Variants in OR2W3 observed in about 807,000 individuals in gnomAD.
The protein encoded by OR2W3 is olfactory receptor 2W3.
For synonymous variants in OR2W3, 196 were observed against 168.2 expected (o/e 1.17, Z -1.28); for missense variants, 448 against 397.0 (o/e 1.13, Z -1.09).
chr1:247,896,422 AC>A lies in OR2W3; in HGVS notation c.837del (p.Asn279LysfsTer19). ...GGCATGTTCCTCATGCTCTTCTACA[AC>A]ATTGTCACCCCCCTCCTCAATCCTC... ...DQGMFLMLFY[N>X]IVTPLLNPLI... On this transcript the variant is annotated frameshift_variant, in exon 1 of 1. Transcript: ENST00000360358. LOFTEE classifies it low-confidence loss of function (END_TRUNC). 1 of 1,613,858 alleles carries A rather than the reference AC, an allele frequency of 6.2e-7. No individual in the cohort carries two copies. The highest frequency in any genetic ancestry group is 8.5e-7 in the Non-Finnish European group (1 of 1,179,798).
Position 247,895,882 on chromosome 1 carries a change from T to A in OR2W3, c.296T>A (p.Ile99Asn). 6.2e-7 allele frequency: 1 copy of A among 1,614,136 alleles called. No homozygotes were observed. The highest frequency in any genetic ancestry group is 1.1e-5 in the South Asian group (1 of 91,076). ...DKTISYMGCA[I>N]QLFLFLGLGG... ...ACCATCAGCTACATGGGCTGTGCCA[T>A]CCAGCTCTTCCTGTTCCTGGGTCTG... is the stretch of plus-strand genomic sequence containing the variant. Residue 99 changes from isoleucine (I) to asparagine (N), a missense_variant, in exon 1 of 1, where the codon ATC (isoleucine) becomes AAC (asparagine). By Grantham distance (149) the Ile-to-Asn change is moderately radical. Coordinates refer to ENST00000360358, the MANE Select transcript of OR2W3 (RefSeq NM_001001957.2).
In OR2W3 at chr1:247,895,971, C is replaced by G; in HGVS notation, c.385C>G (p.Pro129Ala). 1 of 1,614,120 alleles carries G rather than the reference C, an allele frequency of 6.2e-7. No individual in the cohort carries two copies. The highest frequency in any genetic ancestry group is 8.5e-7 in the Non-Finnish European group (1 of 1,179,976). Reference protein sequence around the residue: ...AYDRCVAICKPLHYMVIMNPR... With the variant: ...AYDRCVAICKALHYMVIMNPR... ...TGACCGGTGTGTGGCTATCTGCAAG[C>G]CCCTGCACTACATGGTGATCATGAA... The change falls in exon 1 of 1, where the codon CCC becomes GCC. Residue 129 changes from proline to alanine, a missense_variant. Transcript: ENST00000360358.
rs138443505 is a variant in OR2W3 at position 247,895,967 on chromosome 1, C to T, written c.381C>T (p.Cys127=). ...CCTATGACCGGTGTGTGGCTATCTG[C>T]AAGCCCCTGCACTACATGGTGATCA... The part of the protein sequence containing the change: ...VMAYDRCVAI[C]KPLHYMVIMN... The change falls in exon 1 of 1, where the codon TGC becomes TGT. Residue 127 remains cysteine (C), a synonymous_variant. Transcript: ENST00000360358. The T allele has an allele frequency of 1.6e-4, 257 of 1,614,124 alleles. No individual in the cohort carries two copies. Among genetic ancestry groups the T allele is most frequent in the Non-Finnish European group, 2.0e-4 (231 of 1,179,998 alleles).
Position 247,896,041 on chromosome 1 carries a change from G to A in OR2W3, c.455G>A (p.Gly152Glu), listed in dbSNP as rs753788610. The A allele has an allele frequency of 1.2e-6, 2 of 1,613,766 alleles. No homozygotes were observed. Among genetic ancestry groups the A allele is most frequent in the South Asian group, 1.1e-5 (1 of 91,048 alleles). Residue 152 changes from glycine to glutamate, a missense_variant, in exon 1 of 1, where the codon GGG (glycine) becomes GAG (glutamate). By Grantham distance (98) the Gly-to-Glu change is moderately conservative (BLOSUM62 -2). Coordinates refer to ENST00000360358, the MANE Select transcript of OR2W3 (RefSeq NM_001001957.2). ...TTGGTGTCAGTGACCTGGGGCTGTG[G>A]GGTGGCCAACTCCTTGGCCATGTCT... ...RGLVSVTWGC[G>E]VANSLAMSPV...
chr1:247,895,839 C>A lies in OR2W3; in HGVS notation c.253C>A (p.Leu85Ile), dbSNP rs1659596130. 1 of 1,613,918 alleles carries A rather than the reference C, an allele frequency of 6.2e-7. No homozygotes were observed. The highest frequency in any genetic ancestry group is 8.5e-7 in the Non-Finnish European group (1 of 1,179,922). Reference protein sequence around the residue: ...TSSIPQLLYNLNGCDKTISYM... With the variant: ...TSSIPQLLYNINGCDKTISYM... ...CTCCATCCCCCAGCTGCTCTACAAC[C>A]TTAATGGATGTGACAAGACCATCAG... The change falls in exon 1 of 1, where the codon CTT becomes ATT. Residue 85 changes from leucine (L) to isoleucine (I), a missense_variant. Coordinates refer to ENST00000360358, the MANE Select transcript of OR2W3 (RefSeq NM_001001957.2).
At position 247,895,890 on chromosome 1, in the gene OR2W3, T is replaced by A. The variant is rs374087553; in HGVS notation, c.304T>A (p.Phe102Ile). Reference sequence around the variant, plus strand: ...CTACATGGGCTGTGCCATCCAGCTCTTCCTGTTCCTGGGTCTGGGTGGTGT... The same window carrying A: ...CTACATGGGCTGTGCCATCCAGCTCATCCTGTTCCTGGGTCTGGGTGGTGT... ...ISYMGCAIQL[F>I]LFLGLGGVEC... Residue 102 changes from phenylalanine (F) to isoleucine (I), a missense_variant, in exon 1 of 1, where the codon TTC becomes ATC. Physicochemically the swap from Phe to Ile is conservative, Grantham distance 21. Coordinates refer to ENST00000360358, the MANE Select transcript of OR2W3 (RefSeq NM_001001957.2). 12 of 1,614,046 alleles carry A rather than the reference T, an allele frequency of 7.4e-6. No individual in the cohort carries two copies. The highest frequency in any genetic ancestry group is 1.3e-5 in the African/African-American group (1 of 74,928).
Position 247,895,596 on chromosome 1 carries a change from A to G in OR2W3, c.10A>G (p.Thr4Ala). 6.2e-7 allele frequency: 1 copy of G among 1,605,362 alleles called. No homozygotes were observed. Among genetic ancestry groups the G allele is most frequent in the Non-Finnish European group, 8.5e-7 (1 of 1,173,182 alleles). The change falls in exon 1 of 1, where the codon ACC becomes GCC. Residue 4 changes from threonine (T) to alanine (A), a missense_variant. Thr to Ala is a moderately conservative substitution (Grantham distance 58, BLOSUM62 0). Coordinates refer to ENST00000360358, the MANE Select transcript of OR2W3 (RefSeq NM_001001957.2). MDG[T>A]NGSTQTHFIL... ...TTCAGCAGCAGTAGAGATGGATGGA[A>G]CCAATGGCAGCACCCAAACCCATTT...
At position 247,896,435 on chromosome 1, in the gene OR2W3, C is replaced by T. The variant is rs367870729; in HGVS notation, c.849C>T (p.Pro283=). ...TGCTCTTCTACAACATTGTCACCCCCCTCCTCAATCCTCTCATCTACACCC... is the reference window on the plus strand; with the variant it reads ...TGCTCTTCTACAACATTGTCACCCCTCTCCTCAATCCTCTCATCTACACCC... The part of the protein sequence containing the change: ...FLMLFYNIVT[P]LLNPLIYTLR... Residue 283 remains proline, a synonymous_variant, in exon 1 of 1, where the codon CCC becomes CCT. Transcript: ENST00000360358. 5 of 1,612,970 alleles carry T rather than the reference C, an allele frequency of 3.1e-6. No homozygotes were observed. The highest frequency in any genetic ancestry group is 4.2e-6 in the Non-Finnish European group (5 of 1,179,620).
Position 247,896,323 on chromosome 1 carries a change from C to G in OR2W3, c.737C>G (p.Thr246Ser), listed in dbSNP as rs1318462659. The G allele has an allele frequency of 1.2e-6, 2 of 1,614,192 alleles. No homozygotes were observed. The highest frequency in any genetic ancestry group is 4.5e-5 in the East Asian group (2 of 44,878). ...KAFGTCGSHL[T>S]VVSLFYGNII... ...TTCGGCACCTGCGGCTCCCATCTCA[C>G]TGTGGTCTCCCTTTTCTATGGAAAC... The change falls in exon 1 of 1, where the codon ACT (threonine) becomes AGT (serine). Residue 246 changes from threonine (T) to serine (S), a missense_variant. Physicochemically the swap from Thr to Ser is moderately conservative, Grantham distance 58 (BLOSUM62 1). Transcript: ENST00000360358.
chr1:247,895,944 T>C lies in OR2W3; in HGVS notation c.358T>C (p.Tyr120His), dbSNP rs764077359. 1.4e-5 allele frequency: 22 copies of C among 1,614,112 alleles called. No individual in the cohort carries two copies. In the East Asian group the frequency reaches 4.2e-4, roughly 31 times the overall value. ...GTGCCTGCTTCTGGCTGTCATGGCC[T>C]ATGACCGGTGTGTGGCTATCTGCAA... ...VECLLLAVMA[Y>H]DRCVAICKPL... Residue 120 changes from tyrosine to histidine, a missense_variant, in exon 1 of 1, where the codon TAT becomes CAT. Coordinates refer to ENST00000360358, the MANE Select transcript of OR2W3 (RefSeq NM_001001957.2).
rs1659599637 is a variant in OR2W3 at position 247,895,956 on chromosome 1, G to A, written c.370G>A (p.Val124Met). 2.5e-6 allele frequency: 4 copies of A among 1,614,062 alleles called. No individual in the cohort carries two copies. The highest frequency in any genetic ancestry group is 3.4e-6 in the Non-Finnish European group (4 of 1,180,026). ...GGCTGTCATGGCCTATGACCGGTGT[G>A]TGGCTATCTGCAAGCCCCTGCACTA... ...LLAVMAYDRC[V>M]AICKPLHYMV... The change falls in exon 1 of 1, where the codon GTG (valine) becomes ATG (methionine). Residue 124 changes from valine (V) to methionine (M), a missense_variant. Coordinates refer to ENST00000360358, the MANE Select transcript of OR2W3 (RefSeq NM_001001957.2).
rs780057282 is a variant in OR2W3 at position 247,896,297 on chromosome 1, C to T, written c.711C>T (p.Ala237=). The change falls in exon 1 of 1, where the codon GCC becomes GCT. Residue 237 remains alanine (A), a synonymous_variant. Coordinates refer to ENST00000360358, the MANE Select transcript of OR2W3 (RefSeq NM_001001957.2). ...GGTCAGCATCAGGAAGGCAGAAGGC[C>T]TTCGGCACCTGCGGCTCCCATCTCA... ...QIRSASGRQK[A]FGTCGSHLTV... is the part of the protein sequence containing the mutation. 6.2e-7 allele frequency: 1 copy of T among 1,614,162 alleles called. No homozygotes were observed. Among genetic ancestry groups the T allele is most frequent in the East Asian group, 2.2e-5 (1 of 44,872 alleles).
Position 247,896,418 on chromosome 1 carries a change from T to TACA in OR2W3, c.836_838dup (p.Asn279dup). 6.2e-7 allele frequency: 1 copy of TACA among 1,613,786 alleles called. No homozygotes were observed. Among genetic ancestry groups the TACA allele is most frequent in the Non-Finnish European group, 8.5e-7 (1 of 1,179,712 alleles). ...CCAGGGCATGTTCCTCATGCTCTTC[T>TACA]ACAACATTGTCACCCCCCTCCTCAA... On this transcript the variant is annotated inframe_insertion, in exon 1 of 1. Coordinates refer to ENST00000360358, the MANE Select transcript of OR2W3 (RefSeq NM_001001957.2).
chr1:247,896,030 C>T lies in OR2W3; in HGVS notation c.444C>T (p.Thr148=). 1.2e-6 allele frequency: 2 copies of T among 1,613,974 alleles called. No individual in the cohort carries two copies. Among genetic ancestry groups the T allele is most frequent in the Non-Finnish European group, 1.7e-6 (2 of 1,179,916 alleles). Residue 148 remains threonine, a synonymous_variant, in exon 1 of 1, where the codon ACC becomes ACT. Transcript: ENST00000360358. The part of the protein sequence containing the change: ...PRLCRGLVSV[T]WGCGVANSLA... ...TCTGCCGGGGCTTGGTGTCAGTGAC[C>T]TGGGGCTGTGGGGTGGCCAACTCCT...
rs1659601855 is a variant in OR2W3 at position 247,896,053 on chromosome 1, C to T, written c.467C>T (p.Ser156Phe). Residue 156 changes from serine (S) to phenylalanine (F), a missense_variant, in exon 1 of 1, where the codon TCC (serine) becomes TTC (phenylalanine). Physicochemically the swap from Ser to Phe is radical, Grantham distance 155. Coordinates refer to ENST00000360358, the MANE Select transcript of OR2W3 (RefSeq NM_001001957.2). The part of the protein sequence containing the change: ...SVTWGCGVAN[S>F]LAMSPVTLRL... ...ACCTGGGGCTGTGGGGTGGCCAACT[C>T]CTTGGCCATGTCTCCTGTGACCCTG... 1 of 1,474,314 alleles carries T rather than the reference C, an allele frequency of 6.8e-7. No individual in the cohort carries two copies. Among genetic ancestry groups the T allele is most frequent in the Non-Finnish European group, 9.4e-7 (1 of 1,063,404 alleles). 91.3% of individuals were successfully genotyped at this position (1,474,314 alleles called of 1,614,324 possible).
At position 247,896,512 on chromosome 1, in the gene OR2W3, G is replaced by C. The variant is rs759913227; in HGVS notation, c.926G>C (p.Arg309Thr). 12 of 1,610,238 alleles carry C rather than the reference G, an allele frequency of 7.5e-6. No individual in the cohort carries two copies. In the South Asian group the frequency reaches 1.2e-4, roughly 16 times the overall value. Residue 309 changes from arginine (R) to threonine (T), a missense_variant, in exon 1 of 1, where the codon AGA (arginine) becomes ACA (threonine). By Grantham distance (71) the Arg-to-Thr change is moderately conservative. Transcript: ENST00000360358. ...GALGRLLLGK[R>T]ELGKE ...CTGGGAAGGTTGCTTCTGGGGAAGA[G>C]AGAGCTAGGAAAGGAGTAAAGGCAT... is the stretch of plus-strand genomic sequence containing the variant.
chr1:247,895,822 C>T lies in OR2W3; in HGVS notation c.236C>T (p.Pro79Leu), dbSNP rs1293400491. The change falls in exon 1 of 1, where the codon CCC (proline) becomes CTC (leucine). Residue 79 changes from proline (P) to leucine (L), a missense_variant. By Grantham distance (98) the Pro-to-Leu change is moderately conservative. Transcript: ENST00000360358. ...LDLSFTTSSI[P>L]QLLYNLNGCD... Reference sequence around the variant, plus strand: ...CTCAGTTTCACCACCAGCTCCATCCCCCAGCTGCTCTACAACCTTAATGGA... The same window carrying T: ...CTCAGTTTCACCACCAGCTCCATCCTCCAGCTGCTCTACAACCTTAATGGA... The T allele has an allele frequency of 6.2e-7, 1 of 1,613,948 alleles. No individual in the cohort carries two copies. The highest frequency in any genetic ancestry group is 8.5e-7 in the Non-Finnish European group (1 of 1,179,836).
chr1:247,895,946 T>G lies in OR2W3; in HGVS notation c.360T>G (p.Tyr120Ter). ...VECLLLAVMA[Y>*]DRCVAICKPL... ...GCCTGCTTCTGGCTGTCATGGCCTATGACCGGTGTGTGGCTATCTGCAAGC... is the reference window on the plus strand; with the variant it reads ...GCCTGCTTCTGGCTGTCATGGCCTAGGACCGGTGTGTGGCTATCTGCAAGC... The change falls in exon 1 of 1, where the codon TAT (tyrosine) becomes TAG (stop). Residue 120 changes from tyrosine to a stop codon, truncating the protein, a stop_gained. Coordinates refer to ENST00000360358, the MANE Select transcript of OR2W3 (RefSeq NM_001001957.2). LOFTEE classifies it low-confidence loss of function (END_TRUNC). The G allele has an allele frequency of 6.2e-7, 1 of 1,614,122 alleles. No homozygotes were observed.
rs1659605684 is a variant in OR2W3 at position 247,896,193 on chromosome 1, G to A, written c.607G>A (p.Ala203Thr). 1 of 1,614,116 alleles carries A rather than the reference G, an allele frequency of 6.2e-7. No homozygotes were observed. Among genetic ancestry groups the A allele is most frequent in the South Asian group, 1.1e-5 (1 of 91,092 alleles). ...CATCGAAGGCACCGTCTTTGTCCTG[G>A]CGGTGGGTGTTGTGCTGTCCCCCTT... ...VAIEGTVFVL[A>T]VGVVLSPLVF... is the part of the protein sequence containing the mutation. Residue 203 changes from alanine to threonine, a missense_variant, in exon 1 of 1, where the codon GCG becomes ACG. By Grantham distance (58) the Ala-to-Thr change is moderately conservative. Coordinates refer to ENST00000360358, the MANE Select transcript of OR2W3 (RefSeq NM_001001957.2).
Sources: allele counts gnomAD v4.1 joint callset, GRCh38; gene constraint gnomAD v4.1.1; transcripts MANE v1.5; gene names NCBI Gene and HGNC (gene_info 2026-07-23, HGNC 2026-07-21).